The following PPARGC1A variants were observed in gnomAD, a reference collection of about 807,000 sequenced individuals.
PPARGC1A encodes the protein PPARG coactivator 1 alpha.
PPARGC1A carries 25 observed loss-of-function variants against 88.7 expected under a neutral mutation model. The ratio of observed to expected loss-of-function variants is 0.28; its 90% CI spans 0.21 to 0.39. The LOEUF is 0.39. PPARGC1A is among the 10% of genes least tolerant of loss of function. The pLI, the probability that PPARGC1A is intolerant of heterozygous loss-of-function variation, is 1.00. For synonymous variants in PPARGC1A, 363 were observed against 355.6 expected (o/e 1.02, Z -0.24); for missense variants, 880 against 968.7 (o/e 0.91, Z 1.22).
the PPARGC1A span, among the ~76,000 whole-genome samples, chr4:24,175,522 C>T: frequency 2.0e-5 from 3 of 148,906 alleles, no homozygotes; most frequent in Non-Finnish European, 4.5e-5. Context: ...TTACAGGTGC[C>T]CACCACCACA....
the PPARGC1A span, among the ~76,000 whole-genome samples, chr4:24,068,269 C>A: frequency 1.3e-5 from 2 of 152,122 alleles, no homozygotes; most frequent in Admixed American, 6.6e-5. Context: ...GAGAGGAAAG[C>A]GGCAGAGCAC....
the PPARGC1A span, among the ~76,000 whole-genome samples, chr4:24,045,626 G>A: frequency 2.3e-3 from 353 of 152,202 alleles, 1 homozygote; most frequent in Non-Finnish European, 3.8e-3. Context: ...CTTCTCCTCC[G>A]TGTGTCTGTC....
At chr4:24,394,939 C>T in the PPARGC1A span, among the ~76,000 whole-genome samples, 1 of 152,108 alleles carries the variant, frequency 6.6e-6, no homozygotes, top group African/African-American at 2.4e-5. Context: ...AATTGGTTTT[C>T]AAAAACAATG....
the PPARGC1A span, among the ~76,000 whole-genome samples, chr4:24,451,735 A>C: frequency 6.6e-6 from 1 of 151,890 alleles, no homozygotes; most frequent in Non-Finnish European, 1.5e-5. Flanking sequence ...ACGCCACCAC[A>C]CCCAACTAAT....
the PPARGC1A span, among the ~76,000 whole-genome samples, chr4:24,411,366 T>C: frequency 2.0e-5 from 3 of 152,204 alleles, no homozygotes; most frequent in African/African-American, 7.2e-5. Context: ...GGTTTTATAA[T>C]TTTAGAGATG....
At chr4:23,953,487 G>A in the PPARGC1A span, among the ~76,000 whole-genome samples, 1 of 152,052 alleles carries the variant, frequency 6.6e-6, no homozygotes, top group African/African-American at 2.4e-5. Flanking sequence ...CAGTCTGCAG[G>A]TATTTGAGTC....
At chr4:24,163,144 C>CT in the PPARGC1A span, among the ~76,000 whole-genome samples, 1 of 147,548 alleles carries the variant, frequency 6.8e-6, no homozygotes, top group African/African-American at 2.6e-5. Context: ...GATTTGAATG[C>CT]TCCCCAAGCC....
chr4:23,821,737 G>T (rs756165199), intron 7 of PPARGC1A, among the ~76,000 whole-genome samples: 1 of 151,856 alleles, frequency 6.6e-6, no homozygotes, highest in Non-Finnish European at 1.5e-5. Context: ...TGAGATGTAG[G>T]TATTGTAACC....
At chr4:24,005,034 T>G in the PPARGC1A span, among the ~76,000 whole-genome samples, 3 of 152,100 alleles carry the variant, frequency 2.0e-5, no homozygotes, top group African/African-American at 7.2e-5. Context: ...CACCTGCTTA[T>G]AAAAACAGAG....
At chr4:23,931,360 G>A in the PPARGC1A span, among the ~76,000 whole-genome samples, 3 of 151,830 alleles carry the variant, frequency 2.0e-5, no homozygotes, top group Non-Finnish European at 4.4e-5. Context: ...AGGAAGGAAA[G>A]TTATTACCTC....
intron 4 of PPARGC1A, 116 bp from the exon 5 acceptor site, chr4:23,828,720 G>A (rs1197178886): frequency 1.2e-6 from 1 of 857,770 alleles, no homozygotes; most frequent in South Asian, 1.7e-5. Flanking sequence ...AAGTGTACTA[G>A]ATCTATGAGC....
At chr4:23,855,531 G>T (rs1310787718) in intron 2 of PPARGC1A, among the ~76,000 whole-genome samples, 2 of 152,132 alleles carry the variant, frequency 1.3e-5, no homozygotes, top group Non-Finnish European at 2.9e-5. Context: ...CTTGTGCATT[G>T]TATAATGTAC....
chr4:24,161,882 A>G, the PPARGC1A span, among the ~76,000 whole-genome samples: 1 of 151,978 alleles, frequency 6.6e-6, no homozygotes, highest in East Asian at 1.9e-4. Context: ...ACATGTTTAT[A>G]GCAGCACAAT....
the PPARGC1A span, among the ~76,000 whole-genome samples, chr4:23,970,831 A>C: frequency 6.6e-6 from 1 of 152,198 alleles, no homozygotes; most frequent in Admixed American, 6.5e-5. Flanking sequence ...TCAAAAGGCC[A>C]TTATGTCCCA....
the PPARGC1A span, among the ~76,000 whole-genome samples, chr4:24,236,989 T>C: frequency 1.3e-5 from 2 of 152,218 alleles, no homozygotes; most frequent in Non-Finnish European, 2.9e-5. Flanking sequence ...GTTGTGCATG[T>C]GCTTAGCAGG....
the PPARGC1A span, among the ~76,000 whole-genome samples, chr4:24,146,591 T>C: frequency 6.1e-4 from 93 of 152,358 alleles, no homozygotes; most frequent in African/African-American, 2.0e-3. Context: ...AGATCCAATC[T>C]GCATCAGCGT....
chr4:23,977,472 T>C, the PPARGC1A span, among the ~76,000 whole-genome samples: 2,215 of 152,286 alleles, frequency 0.015, 59 homozygotes, highest in African/African-American at 0.051. Flanking sequence ...AAAATACTTA[T>C]CAAATTCTTA....
At chr4:23,924,490 G>T in the PPARGC1A span, among the ~76,000 whole-genome samples, 1 of 152,078 alleles carries the variant, frequency 6.6e-6, no homozygotes, top group Admixed American at 6.6e-5. Flanking sequence ...GCTGGGCATG[G>T]TGGTGCCTGT....
At chr4:24,221,602 G>T in the PPARGC1A span, among the ~76,000 whole-genome samples, 1 of 152,100 alleles carries the variant, frequency 6.6e-6, no homozygotes, top group Non-Finnish European at 1.5e-5. Context: ...TAGTACAGAG[G>T]AAATGTATAA....
Sources: gnomAD v4.1 joint callset for allele counts (sites outside exome capture counted in the v4.1 genomes callset) on GRCh38, gnomAD v4.1.1 for gene constraint, MANE v1.5 for transcripts, NCBI Gene and HGNC (gene_info 2026-07-23, HGNC 2026-07-21) for gene names.